Variants in CLSTN2 observed in about 807,000 individuals in gnomAD.
CLSTN2 encodes calsyntenin 2, also known as calsyntenin-2.
In CLSTN2, 48 loss-of-function variants were observed where a neutral mutation model predicts 101.2. The observed-to-expected ratio is 0.47, with a 90% CI of 0.38 to 0.60. The LOEUF is 0.60. CLSTN2 is among the 20% of genes least tolerant of loss of function. CLSTN2 has a pLI of 0.00. For synonymous variants in CLSTN2, 481 were observed against 463.6 expected (o/e 1.04, Z -0.48); for missense variants, 1,160 against 1,238.2 (o/e 0.94, Z 0.95).
chr3:140,141,280 A>C (rs1351435862), intron 1 of CLSTN2, among the ~76,000 whole-genome samples: 2 of 152,104 alleles, frequency 1.3e-5, no homozygotes, highest in Non-Finnish European at 2.9e-5. Flanking sequence ...TGGGATGTAT[A>C]CACTGATTCT....
intron 2 of CLSTN2, among the ~76,000 whole-genome samples, chr3:140,369,076 A>G (rs528603143): frequency 2.0e-5 from 3 of 152,262 alleles, no homozygotes; most frequent in South Asian, 4.2e-4. Flanking sequence ...GAGACTTGCC[A>G]GCTTTTTCTG....
At position 140,568,940 on chromosome 3, in the gene CLSTN2, G is replaced by A. The variant is rs1318644031; in HGVS notation, c.*2687G>A. 6.6e-6 allele frequency: 1 copy of A among 152,178 alleles called. No individual in the cohort carries two copies. The highest frequency in any genetic ancestry group is 2.1e-4 in the South Asian group (1 of 4,826). The allele number at this position is 152,178 out of a possible 1,614,324, so 9.4% of individuals were successfully genotyped here. ...TGGACTCATTTGCAGAGAAACAGTG[G>A]TGACAACAAATCAGAGCTGTTTCCC... On this transcript the variant is annotated 3_prime_UTR_variant, in exon 17 of 17. Transcript: ENST00000458420.
chr3:140,519,891 G>C (rs1934992789), intron 8 of CLSTN2, among the ~76,000 whole-genome samples: 1 of 152,180 alleles, frequency 6.6e-6, no homozygotes, highest in African/African-American at 2.4e-5. Context: ...TTATGTGGTT[G>C]CTTTATAGTG....
At chr3:139,961,360 T>G (rs1178167071) in intron 1 of CLSTN2, among the ~76,000 whole-genome samples, 1 of 152,208 alleles carries the variant, frequency 6.6e-6, no homozygotes, top group Non-Finnish European at 1.5e-5. Flanking sequence ...CCTTGTATCC[T>G]TAGCTTTTTC....
intron 1 of CLSTN2, among the ~76,000 whole-genome samples, chr3:140,034,985 T>G (rs2007627045): frequency 6.6e-6 from 1 of 152,246 alleles, no homozygotes; most frequent in African/African-American, 2.4e-5. Context: ...TCTTGGGCTT[T>G]GGAGTTCCAT....
At chr3:140,043,483 A>G (rs2107764768) in intron 1 of CLSTN2, among the ~76,000 whole-genome samples, 1 of 152,296 alleles carries the variant, frequency 6.6e-6, no homozygotes, top group South Asian at 2.1e-4. Flanking sequence ...TTGCCTGTTC[A>G]TTCTGATGGT....
intron 2 of CLSTN2, among the ~76,000 whole-genome samples, chr3:140,241,510 A>G (rs150083371): frequency 3.9e-5 from 6 of 152,258 alleles, no homozygotes; most frequent in African/African-American, 1.4e-4. Context: ...CTTAGCTCCA[A>G]TCTTGACTCA....
chr3:139,965,752 G>C (rs1935588243), intron 1 of CLSTN2, among the ~76,000 whole-genome samples: 1 of 152,146 alleles, frequency 6.6e-6, no homozygotes, highest in African/African-American at 2.4e-5. Context: ...CAGGGGCCCA[G>C]AGCCCTCATG....
At chr3:140,220,725 C>T (rs772615566) in intron 2 of CLSTN2, among the ~76,000 whole-genome samples, 15 of 152,202 alleles carry the variant, frequency 9.9e-5, no homozygotes, top group Non-Finnish European at 1.8e-4. Context: ...AAGCAAACAT[C>T]CATGAACTTA....
At chr3:140,378,105 A>G (rs2087937151) in intron 2 of CLSTN2, among the ~76,000 whole-genome samples, 1 of 152,248 alleles carries the variant, frequency 6.6e-6, no homozygotes, top group Non-Finnish European at 1.5e-5. Context: ...AACAGGCTAC[A>G]CCATATAGCC....
chr3:140,280,716 T>C (rs2086837733), intron 2 of CLSTN2, among the ~76,000 whole-genome samples: 1 of 152,166 alleles, frequency 6.6e-6, no homozygotes, highest in Non-Finnish European at 1.5e-5. Context: ...TTATGTACAC[T>C]TCACTTGCAA....
intron 1 of CLSTN2, among the ~76,000 whole-genome samples, chr3:139,947,867 A>T (rs1045489321): frequency 3.3e-5 from 5 of 149,920 alleles, no homozygotes; most frequent in African/African-American, 7.3e-5. Flanking sequence ...TTCCTTTTTT[A>T]ACAACTCCTG....
intron 2 of CLSTN2, among the ~76,000 whole-genome samples, chr3:140,322,723 C>G (rs2087295767): frequency 6.6e-6 from 1 of 152,230 alleles, no homozygotes; most frequent in African/African-American, 2.4e-5. Flanking sequence ...AATGCTGTCA[C>G]TCCTAGAATC....
intron 5 of CLSTN2, among the ~76,000 whole-genome samples, chr3:140,434,564 G>A (rs1345246412): frequency 6.6e-6 from 1 of 152,148 alleles, no homozygotes; most frequent in African/African-American, 2.4e-5. Flanking sequence ...GGCCAGGCTT[G>A]AGAAAGCTTC....
chr3:140,135,117 C>CACACACAT (rs1488268767), intron 1 of CLSTN2, among the ~76,000 whole-genome samples: 66 of 58,098 alleles, frequency 1.1e-3, no homozygotes, highest in Non-Finnish European at 1.4e-3. Context: ...CACACACACA[C>CACACACAT]ATATATATAT....
intron 2 of CLSTN2, among the ~76,000 whole-genome samples, chr3:140,326,311 G>A (rs1242336809): frequency 6.6e-6 from 1 of 152,226 alleles, no homozygotes; most frequent in Non-Finnish European, 1.5e-5. Context: ...ACTTCTGGAT[G>A]TGGAGTTGGG....
chr3:140,131,283 G>T (rs549080429), intron 1 of CLSTN2, among the ~76,000 whole-genome samples: 47 of 141,376 alleles, frequency 3.3e-4, no homozygotes, highest in African/African-American at 1.0e-3. Flanking sequence ...GAAGAAGGTT[G>T]CAAAGAATGA....
chr3:140,225,556 G>A (rs1170073818), intron 2 of CLSTN2, among the ~76,000 whole-genome samples: 1 of 152,152 alleles, frequency 6.6e-6, no homozygotes, highest in Non-Finnish European at 1.5e-5. Context: ...GGAGTACAGT[G>A]GCGCGATATC....
intron 2 of CLSTN2, among the ~76,000 whole-genome samples, chr3:140,302,109 A>G (rs1476316036): frequency 1.3e-5 from 2 of 152,232 alleles, no homozygotes; most frequent in Non-Finnish European, 2.9e-5. Flanking sequence ...AAAAGCCACT[A>G]GACCCGTGTC....
Sources: allele counts gnomAD v4.1 joint callset (sites outside exome capture counted in the v4.1 genomes callset), GRCh38; gene constraint gnomAD v4.1.1; transcripts MANE v1.5; gene names NCBI Gene and HGNC (gene_info 2026-07-23, HGNC 2026-07-21).